The following HAUS6 variants were observed in gnomAD, a reference collection of about 807,000 sequenced individuals.
The protein encoded by HAUS6 is HAUS augmin-like complex subunit 6.
A neutral mutation model predicts 106.8 loss-of-function variants in HAUS6; 80 were observed. The observed-to-expected ratio is 0.75, with a 90% CI of 0.63 to 0.90. The LOEUF is 0.90. Ranked by LOEUF, HAUS6 falls within the 40% of genes least tolerant of loss-of-function variation. HAUS6 has a pLI of 0.00. For missense variants in HAUS6, 1,155 were observed against 1,118.1 expected, an observed-to-expected ratio of 1.03 and a Z score of -0.47; for synonymous variants, 356 against 379.1, an observed-to-expected ratio of 0.94 and a Z score of 0.71.
At chr9:19,071,268 A>T (rs1691836392) in intron 11 of HAUS6, among the ~76,000 whole-genome samples, 1 of 152,204 alleles carries the variant, frequency 6.6e-6, no homozygotes, top group African/African-American at 2.4e-5. Context: ...GAGTTATAGG[A>T]GGTATCTAAA....
chr9:19,068,714 T>TAA (rs372286420), intron 12 of HAUS6, among the ~76,000 whole-genome samples: 28 of 144,964 alleles, frequency 1.9e-4, no homozygotes, highest in Middle Eastern at 3.6e-3. Flanking sequence ...AAAAAACAAT[T>TAA]AAAAAAAAAA....
chr9:19,101,765 C>A (rs2131163453), intron 1 of HAUS6, among the ~76,000 whole-genome samples: 1 of 152,184 alleles, frequency 6.6e-6, no homozygotes, highest in African/African-American at 2.4e-5. Context: ...ACTAAAGATA[C>A]AAAAATTGGT....
intron 1 of HAUS6, among the ~76,000 whole-genome samples, chr9:19,100,950 G>A (rs563531321): frequency 9.9e-5 from 15 of 152,246 alleles, no homozygotes; most frequent in African/African-American, 3.6e-4. Flanking sequence ...AGGAGAGAAG[G>A]AGGGAGGAAG....
intron 8 of HAUS6, 104 bp downstream of exon 8, chr9:19,082,755 AAAAAAACAAAAAAC>A (rs58842416): frequency 3.2e-4 from 184 of 583,450 alleles, no homozygotes; most frequent in African/African-American, 9.1e-4. Flanking sequence ...CTGTCTCAAA[AAAAAAACAAAAAAC>A]AAAAAACAAA....
intron 15 of HAUS6, among the ~76,000 whole-genome samples, chr9:19,059,217 C>G (rs978899519): frequency 1.3e-5 from 2 of 152,204 alleles, no homozygotes; most frequent in African/African-American, 4.8e-5. Context: ...ATAAAGACAG[C>G]TGTTCCTGAA....
At chr9:19,066,779 A>G (rs966733474) in intron 12 of HAUS6, among the ~76,000 whole-genome samples, 3 of 144,970 alleles carry the variant, frequency 2.1e-5, no homozygotes, top group Non-Finnish European at 4.5e-5. Context: ...GGATCACCTG[A>G]GCTCAGAAGT....
Position 19,061,013 on chromosome 9 carries a change from A to C in HAUS6, c.1630-790T>G, listed in dbSNP as rs535332753. ...AACCCCATCTCTACTAAAAATACAA[A>C]ATTAGCTGGGCATGGTGGCGCATGC... On this transcript the variant is annotated intron_variant, in intron 14 of 16. Transcript: ENST00000380502. 2.6e-5 allele frequency among the ~76,000 whole-genome samples: 4 copies of C among 152,180 alleles called. No homozygotes were observed. The South Asian group carries it at 8.3e-4, about 32-fold the overall frequency.
chr9:19,093,340 G>C (rs764722473), intron 3 of HAUS6, 37 bp from the exon 4 acceptor site: 2 of 1,541,856 alleles, frequency 1.3e-6, no homozygotes, highest in East Asian at 2.2e-5. Flanking sequence ...TGAAGACCTT[G>C]TTAACAATAA....
At position 19,063,034 on chromosome 9, in the gene HAUS6, T is replaced by G; in HGVS notation, c.1603A>C (p.Lys535Gln). ...TCTTCTACCAGATGATCTTGCTCTTTTTGAAATGGATCACTTTTTTTAGCT... is the reference window on the plus strand; with the variant it reads ...TCTTCTACCAGATGATCTTGCTCTTGTTGAAATGGATCACTTTTTTTAGCT... ...LPAKKSDPFQ[K>Q]EQDHLVEEVA... The change falls in exon 14 of 17, where the codon AAA (lysine) becomes CAA (glutamine). Residue 535 changes from lysine to glutamine, a missense_variant. Lys to Gln is a moderately conservative substitution (Grantham distance 53, BLOSUM62 1). Around this residue, in one of 3 missense-constraint regions of HAUS6, gnomAD observed 761 missense variants for 690.0 expected, o/e 1.10. Transcript: ENST00000380502. 1 of 1,611,382 alleles carries G rather than the reference T, an allele frequency of 6.2e-7. No homozygotes were observed. The highest frequency in any genetic ancestry group is 8.5e-7 in the Non-Finnish European group (1 of 1,179,334).
At chr9:19,089,365 T>A in intron 5 of HAUS6, 47 bp downstream of exon 5, 1 of 1,218,078 alleles carries the variant, frequency 8.2e-7, no homozygotes, top group Non-Finnish European at 1.2e-6. Flanking sequence ...TGGTGACATC[T>A]GTTCAAAAGA....
chr9:19,068,988 T>C (rs1041664706), intron 12 of HAUS6, among the ~76,000 whole-genome samples: 3 of 151,348 alleles, frequency 2.0e-5, no homozygotes, highest in African/African-American at 7.3e-5. Flanking sequence ...AGTTGTCCAA[T>C]TTTTTTTTAA....
At chr9:19,074,539 C>T (rs1270966306) in intron 11 of HAUS6, among the ~76,000 whole-genome samples, 2 of 152,020 alleles carry the variant, frequency 1.3e-5, no homozygotes, top group African/African-American at 2.4e-5. Flanking sequence ...CCCAAAGTGC[C>T]AGGATTATAG....
At chr9:19,086,303 TC>T (rs1417094607) in intron 7 of HAUS6, among the ~76,000 whole-genome samples, 2 of 122,686 alleles carry the variant, frequency 1.6e-5, no homozygotes, top group Admixed American at 9.3e-5. Flanking sequence ...TGAGACTCCA[TC>T]TCAAAAGGGG....
intron 7 of HAUS6, 107 bp downstream of exon 7, chr9:19,086,620 CAAAAAAA>C: frequency 8.1e-6 from 3 of 370,010 alleles, no homozygotes; most frequent in Admixed American, 6.5e-5. Flanking sequence ...ACTCCAACTC[CAAAAAAA>C]AAAAAAAAAA....
At chr9:19,069,297 T>C (rs1032225754) in intron 12 of HAUS6, among the ~76,000 whole-genome samples, 1 of 152,142 alleles carries the variant, frequency 6.6e-6, no homozygotes, top group East Asian at 1.9e-4. Flanking sequence ...ACTCAATATT[T>C]AGATAAAGAA....
At chr9:19,093,854 A>G (rs1185130068) in intron 3 of HAUS6, among the ~76,000 whole-genome samples, 1 of 152,134 alleles carries the variant, frequency 6.6e-6, no homozygotes, top group African/African-American at 2.4e-5. Flanking sequence ...GGGTGACAGA[A>G]GAAGACTCTG....
chr9:19,091,124 C>T (rs1388991931), intron 4 of HAUS6, among the ~76,000 whole-genome samples: 1 of 151,838 alleles, frequency 6.6e-6, no homozygotes, highest in African/African-American at 2.4e-5. Context: ...CATAATGATA[C>T]CCCATCTATA....
intron 11 of HAUS6, among the ~76,000 whole-genome samples, chr9:19,076,168 C>G (rs1836999348): frequency 6.7e-6 from 1 of 149,860 alleles, no homozygotes; most frequent in Non-Finnish European, 1.5e-5. Context: ...AAGATCAGCC[C>G]GGGCAACATG....
At chr9:19,071,434 T>C (rs2131116745) in intron 11 of HAUS6, among the ~76,000 whole-genome samples, 1 of 152,252 alleles carries the variant, frequency 6.6e-6, no homozygotes, top group South Asian at 2.1e-4. Flanking sequence ...TTAAGAGATA[T>C]TGGTGAATAA....
Sources: gnomAD v4.1 joint callset for allele counts (sites outside exome capture counted in the v4.1 genomes callset) on GRCh38, gnomAD v4.1.1 for gene constraint, gnomAD v4.1.1 regional missense constraint, MANE v1.5 for transcripts, NCBI Gene and HGNC (gene_info 2026-07-23, HGNC 2026-07-21) for gene names.